The following PALS2 variants were observed in gnomAD, a reference collection of about 807,000 sequenced individuals.
PALS2 encodes protein PALS2.
A neutral mutation model predicts 61.6 loss-of-function variants in PALS2; 27 were observed. The observed-to-expected ratio is 0.44, with a 90% CI of 0.32 to 0.60. PALS2 has a LOEUF of 0.60. PALS2 is among the 20% of genes least tolerant of loss of function. The pLI is 0.05. For missense variants in PALS2, 554 were observed against 639.4 expected (o/e 0.87, Z 1.44); for synonymous variants, 236 against 218.6 (o/e 1.08, Z -0.70).
chr7:24,641,289 C>A (rs947505201), intron 2 of PALS2, among the ~76,000 whole-genome samples: 3 of 151,864 alleles, frequency 2.0e-5, no homozygotes, highest in African/African-American at 7.2e-5. Flanking sequence ...AAAATATTAA[C>A]ATATAATTAT....
At chr7:24,684,990 G>T (rs1435271837) in intron 11 of PALS2, among the ~76,000 whole-genome samples, 6 of 151,672 alleles carry the variant, frequency 4.0e-5, no homozygotes, top group African/African-American at 1.5e-4. Flanking sequence ...GCATGTACAG[G>T]ATGTGCGGGT....
intron 5 of PALS2, among the ~76,000 whole-genome samples, chr7:24,660,643 G>A (rs1037943984): frequency 8.6e-5 from 13 of 152,042 alleles, no homozygotes; most frequent in Non-Finnish European, 5.9e-5. Flanking sequence ...TAAACAATTA[G>A]GTTGCTTCCA....
chr7:24,685,454 A>G (rs1409111754), intron 11 of PALS2, among the ~76,000 whole-genome samples: 2 of 151,942 alleles, frequency 1.3e-5, no homozygotes, highest in Non-Finnish European at 2.9e-5. Flanking sequence ...CCATTTTACC[A>G]TGTTAGTTTC....
At chr7:24,626,245 A>C (rs535258941) in intron 2 of PALS2, among the ~76,000 whole-genome samples, 1 of 152,182 alleles carries the variant, frequency 6.6e-6, no homozygotes, top group African/African-American at 2.4e-5. Flanking sequence ...ACAACAGAAG[A>C]GGGAATAAGT....
intron 2 of PALS2, among the ~76,000 whole-genome samples, chr7:24,634,451 C>T (rs1433966039): frequency 1.3e-5 from 2 of 152,208 alleles, no homozygotes; most frequent in African/African-American, 4.8e-5. Flanking sequence ...AGTATGGTCT[C>T]GATCTCCTGA....
chr7:24,610,173 A>G (rs369024040), intron 1 of PALS2, among the ~76,000 whole-genome samples: 23 of 152,092 alleles, frequency 1.5e-4, no homozygotes, highest in African/African-American at 4.3e-4. Flanking sequence ...GCAATAACAA[A>G]CCTGTGAGTT....
At chr7:24,640,983 G>C (rs1207837787) in intron 2 of PALS2, among the ~76,000 whole-genome samples, 1 of 144,046 alleles carries the variant, frequency 6.9e-6, no homozygotes, top group Non-Finnish European at 1.5e-5. Flanking sequence ...ACTCCAGCCT[G>C]GGCAACAGTG....
chr7:24,645,635 T>G (rs919695900), intron 3 of PALS2, among the ~76,000 whole-genome samples: 2 of 152,166 alleles, frequency 1.3e-5, no homozygotes, highest in Non-Finnish European at 2.9e-5. Context: ...TTAAAATATT[T>G]TTTTCTAGTT....
intron 3 of PALS2, among the ~76,000 whole-genome samples, chr7:24,647,996 A>T (rs1049255625): frequency 1.3e-5 from 2 of 152,184 alleles, no homozygotes; most frequent in Admixed American, 6.5e-5. Context: ...CCAAAGGAGG[A>T]TATAGGGTGG....
intron 1 of PALS2, among the ~76,000 whole-genome samples, chr7:24,578,996 C>G (rs1220710864): frequency 6.6e-6 from 1 of 152,098 alleles, no homozygotes; most frequent in Admixed American, 6.5e-5. Flanking sequence ...ATAAAAATAG[C>G]ATGATAATGG....
At chr7:24,646,083 T>C (rs930143372) in intron 3 of PALS2, among the ~76,000 whole-genome samples, 4 of 152,084 alleles carry the variant, frequency 2.6e-5, no homozygotes, top group Non-Finnish European at 4.4e-5. Flanking sequence ...ATATATAGAA[T>C]TACGTCATCT....
intron 2 of PALS2, among the ~76,000 whole-genome samples, chr7:24,639,719 G>A (rs1785420618): frequency 6.7e-6 from 1 of 148,214 alleles, no homozygotes; most frequent in Non-Finnish European, 1.5e-5. Context: ...TAAATATTGA[G>A]TGTCCTCATC....
chr7:24,670,763 T>A (rs948926982), intron 9 of PALS2, among the ~76,000 whole-genome samples: 5 of 152,206 alleles, frequency 3.3e-5, no homozygotes, highest in African/African-American at 4.8e-5. Flanking sequence ...GATTTGCTTA[T>A]TTTGGACATT....
chr7:24,679,114 A>G lies in PALS2; in HGVS notation c.1115-17A>G. 1 of 1,609,556 alleles carries G rather than the reference A, an allele frequency of 6.2e-7. No individual in the cohort carries two copies. Among genetic ancestry groups the G allele is most frequent in the Non-Finnish European group, 8.5e-7 (1 of 1,176,304 alleles). Reference sequence around the variant, plus strand: ...TAAAATTTCTTTGTACAAAAATCTCAACACTATTTTATTTAGTTACTTCAC... The same window carrying G: ...TAAAATTTCTTTGTACAAAAATCTCGACACTATTTTATTTAGTTACTTCAC... On this transcript the variant is annotated splice_polypyrimidine_tract_variant and intron_variant, in intron 9 of 11. Coordinates refer to ENST00000222644, the MANE Select transcript of PALS2 (RefSeq NM_001303037.2).
chr7:24,646,931 G>T (rs1334425762), intron 3 of PALS2, among the ~76,000 whole-genome samples: 1 of 152,076 alleles, frequency 6.6e-6, no homozygotes, highest in Non-Finnish European at 1.5e-5. Context: ...TCTGGTTTGT[G>T]TGCATGGAAG....
intron 5 of PALS2, among the ~76,000 whole-genome samples, chr7:24,658,462 G>A (rs1012885687): frequency 7.3e-5 from 11 of 151,536 alleles, no homozygotes; most frequent in African/African-American, 1.2e-4. Context: ...CCCTCTTTGC[G>A]TGCTTGGCCA....
intron 8 of PALS2, 29 bp downstream of exon 8, chr7:24,666,118 C>A: frequency 6.4e-7 from 1 of 1,555,946 alleles, no homozygotes. Context: ...TTGAGAAGTC[C>A]AAGTGAAGTA....
At chr7:24,591,845 G>A (rs1203076013) in intron 1 of PALS2, among the ~76,000 whole-genome samples, 1 of 151,932 alleles carries the variant, frequency 6.6e-6, no homozygotes, top group Non-Finnish European at 1.5e-5. Flanking sequence ...CATATCTTAT[G>A]CCTGAACAAA....
At chr7:24,669,439 A>G (rs1787190602) in intron 9 of PALS2, among the ~76,000 whole-genome samples, 1 of 152,208 alleles carries the variant, frequency 6.6e-6, no homozygotes, top group Non-Finnish European at 1.5e-5. Context: ...TGTTTTTGAA[A>G]TACGTGGATC....
Sources: gnomAD v4.1 joint callset for allele counts (sites outside exome capture counted in the v4.1 genomes callset) on GRCh38, gnomAD v4.1.1 for gene constraint, MANE v1.5 for transcripts, NCBI Gene and HGNC (gene_info 2026-07-23, HGNC 2026-07-21) for gene names.